NKAIN2: variants seen among roughly 807,000 people sequenced by gnomAD.
The protein encoded by NKAIN2 is sodium/potassium-transporting ATPase subunit beta-1-interacting protein 2.
Under a neutral mutation model 32.6 loss-of-function variants are expected in NKAIN2, and 14 were observed. That is an observed-to-expected ratio of 0.43 (90% CI 0.28 to 0.67). NKAIN2 has a LOEUF of 0.67. Ranked by LOEUF, NKAIN2 falls within the 30% of genes least tolerant of loss-of-function variation. The pLI, the probability that NKAIN2 is intolerant of heterozygous loss-of-function variation, is 0.17. For missense variants in NKAIN2, 198 were observed against 258.3 expected (o/e 0.77, Z 1.60); for synonymous variants, 80 against 87.2 (o/e 0.92, Z 0.46).
chr6:124,797,228 T>A (rs1220815839), intron 5 of NKAIN2, among the ~76,000 whole-genome samples: 1 of 152,026 alleles, frequency 6.6e-6, no homozygotes, highest in African/African-American at 2.4e-5. Flanking sequence ...ACTTCTCAAT[T>A]TTTATTATGT....
At chr6:124,556,624 T>C (rs1317930206) in intron 3 of NKAIN2, among the ~76,000 whole-genome samples, 1 of 152,128 alleles carries the variant, frequency 6.6e-6, no homozygotes, top group Non-Finnish European at 1.5e-5. Flanking sequence ...GCCAACTAAA[T>C]CTCTTCTATT....
chr6:124,512,774 C>A (rs1221992430), intron 3 of NKAIN2, among the ~76,000 whole-genome samples: 1 of 152,044 alleles, frequency 6.6e-6, no homozygotes, highest in Non-Finnish European at 1.5e-5. Flanking sequence ...GAACTATGAG[C>A]AAATAGATGA....
At chr6:123,915,928 A>G (rs1397207515) in intron 1 of NKAIN2, among the ~76,000 whole-genome samples, 2 of 152,114 alleles carry the variant, frequency 1.3e-5, no homozygotes, top group African/African-American at 4.8e-5. Flanking sequence ...CACAGAACCC[A>G]TATTTTCTGC....
At chr6:124,060,530 C>T (rs1192949698) in intron 1 of NKAIN2, among the ~76,000 whole-genome samples, 1 of 152,150 alleles carries the variant, frequency 6.6e-6, no homozygotes, top group African/African-American at 2.4e-5. Flanking sequence ...ATTTTGTACA[C>T]ATTTAGAAGT....
chr6:124,409,674 G>C (rs1412434366), intron 3 of NKAIN2, among the ~76,000 whole-genome samples: 1 of 152,138 alleles, frequency 6.6e-6, no homozygotes, highest in Non-Finnish European at 1.5e-5. Context: ...TTGTGTCTCT[G>C]CTAGGCTTTG....
intron 3 of NKAIN2, among the ~76,000 whole-genome samples, chr6:124,422,907 T>A (rs574722417): frequency 6.6e-6 from 1 of 152,342 alleles, no homozygotes; most frequent in African/African-American, 2.4e-5. Context: ...TTATTATAAA[T>A]GGTTGAGTAA....
chr6:123,859,063 A>G (rs1775675218), intron 1 of NKAIN2, among the ~76,000 whole-genome samples: 1 of 152,230 alleles, frequency 6.6e-6, no homozygotes, highest in African/African-American at 2.4e-5. Flanking sequence ...ATTGTTTTAA[A>G]GGAAGAATTA....
At position 124,071,109 on chromosome 6, in the gene NKAIN2, C is replaced by T. The variant is rs537731549; in HGVS notation, c.55-211896C>T. Among the ~76,000 whole-genome samples the T allele has an allele frequency of 7.9e-5, 12 of 152,086 alleles. No homozygotes were observed. The South Asian group carries it at 1.9e-3, about 24-fold the overall frequency. ...GAACAAAAGCTCACAACTGGCCTAG[C>T]GGAAGAAAGGCAACAATGGAACAAA... On this transcript the variant is annotated intron_variant, in intron 1 of 6. Transcript: ENST00000368417.
At chr6:124,706,576 A>C (rs866730865) in intron 4 of NKAIN2, among the ~76,000 whole-genome samples, 2 of 152,196 alleles carry the variant, frequency 1.3e-5, no homozygotes, top group Non-Finnish European at 2.9e-5. Flanking sequence ...CAAAATGAAT[A>C]AACTGAGAAG....
intron 1 of NKAIN2, among the ~76,000 whole-genome samples, chr6:123,852,347 G>A (rs1011662881): frequency 3.3e-5 from 5 of 151,658 alleles, no homozygotes; most frequent in South Asian, 2.1e-4. Flanking sequence ...ACAGTATATT[G>A]CTATTGACTA....
chr6:124,119,624 T>C (rs1345159826), intron 1 of NKAIN2, among the ~76,000 whole-genome samples: 3 of 152,236 alleles, frequency 2.0e-5, no homozygotes. Context: ...ATGGACTGTA[T>C]AAGCATCTGT....
chr6:124,137,293 A>G (rs754815741), intron 1 of NKAIN2, among the ~76,000 whole-genome samples: 12 of 152,070 alleles, frequency 7.9e-5, no homozygotes, highest in South Asian at 4.1e-4. Context: ...TTAGAAATAT[A>G]CTTAACCAAG....
At chr6:123,900,732 T>G (rs1392328826) in intron 1 of NKAIN2, among the ~76,000 whole-genome samples, 3 of 151,920 alleles carry the variant, frequency 2.0e-5, no homozygotes, top group Non-Finnish European at 4.4e-5. Context: ...AGCTTTTGGC[T>G]TGTTGTCTAA....
chr6:124,339,765 G>T (rs1798042840), intron 2 of NKAIN2, among the ~76,000 whole-genome samples: 1 of 152,072 alleles, frequency 6.6e-6, no homozygotes, highest in South Asian at 2.1e-4. Flanking sequence ...ACAGGTCCTA[G>T]GGATTAGCAT....
intron 1 of NKAIN2, among the ~76,000 whole-genome samples, chr6:124,179,107 A>G (rs1789308556): frequency 6.6e-6 from 1 of 152,242 alleles, no homozygotes; most frequent in East Asian, 1.9e-4. Context: ...ATAATCAAGG[A>G]ATTTGAAACC....
chr6:124,235,909 T>G (rs1197573832), intron 1 of NKAIN2, among the ~76,000 whole-genome samples: 1 of 152,066 alleles, frequency 6.6e-6, no homozygotes, highest in East Asian at 1.9e-4. Flanking sequence ...GTTTTTATTT[T>G]TTTTTCTATT....
At chr6:124,645,582 A>G (rs1319861263) in intron 3 of NKAIN2, among the ~76,000 whole-genome samples, 1 of 152,204 alleles carries the variant, frequency 6.6e-6, no homozygotes, top group Non-Finnish European at 1.5e-5. Context: ...AGACTCCTAT[A>G]CATAGAGCAT....
chr6:124,820,200 T>C (rs903798044), intron 6 of NKAIN2, among the ~76,000 whole-genome samples: 1 of 152,202 alleles, frequency 6.6e-6, no homozygotes, highest in African/African-American at 2.4e-5. Flanking sequence ...TTTACCATTC[T>C]TCTCAATATT....
At chr6:124,180,638 G>C (rs892350478) in intron 1 of NKAIN2, among the ~76,000 whole-genome samples, 1 of 152,128 alleles carries the variant, frequency 6.6e-6, no homozygotes, top group South Asian at 2.1e-4. Flanking sequence ...ACTCATTTCA[G>C]CATTAAATCA....
Sources: gnomAD v4.1 joint callset for allele counts (sites outside exome capture counted in the v4.1 genomes callset) on GRCh38, gnomAD v4.1.1 for gene constraint, MANE v1.5 for transcripts, NCBI Gene and HGNC (gene_info 2026-07-23, HGNC 2026-07-21) for gene names.